CDH10: variants seen among roughly 807,000 people sequenced by gnomAD.
CDH10 encodes the protein cadherin 10, also known as cadherin-10.
In CDH10, 30 loss-of-function variants were observed where a neutral mutation model predicts 73.1. The observed-to-expected ratio is 0.41, with a 90% confidence interval of 0.31 to 0.56. CDH10 has a LOEUF of 0.56. CDH10 is among the 20% of genes least tolerant of loss of function. The pLI, the probability that CDH10 is intolerant of heterozygous loss-of-function variation, is 0.27. For missense variants in CDH10, 815 were observed against 973.7 expected (o/e 0.84, Z 2.17); for synonymous variants, 345 against 348.2 (o/e 0.99, Z 0.10).
chr5:24,641,264 C>T (rs548260294), intron 1 of CDH10, among the ~76,000 whole-genome samples: 6 of 151,838 alleles, frequency 4.0e-5, no homozygotes, highest in African/African-American at 7.2e-5. Flanking sequence ...AGGGCACAGG[C>T]GACCCAGAGC....
intron 2 of CDH10, among the ~76,000 whole-genome samples, chr5:24,575,090 C>T (rs1408577487): frequency 6.6e-6 from 1 of 151,888 alleles, no homozygotes; most frequent in Non-Finnish European, 1.5e-5. Context: ...GCACCAGTAC[C>T]ATGGCTCATG....
rs904965085 is a variant in CDH10, at chr5:24,502,173, T to C, written c.1393+2939A>G. 7.2e-5 allele frequency among the ~76,000 whole-genome samples: 11 copies of C among 152,168 alleles called. No homozygotes were observed. In the East Asian group the frequency reaches 9.7e-4, roughly 13 times the overall value. ...ACCTGACCTCGTGATCCGCCCGCCT[T>C]GGCCTCCCAAAGTGCTGGGATTACA... On this transcript the variant is annotated intron_variant, in intron 8 of 11. Coordinates refer to ENST00000264463, the MANE Select transcript of CDH10 (RefSeq NM_006727.5).
At chr5:24,526,802 T>G (rs1289645015) in intron 5 of CDH10, among the ~76,000 whole-genome samples, 1 of 151,836 alleles carries the variant, frequency 6.6e-6, no homozygotes, top group East Asian at 1.9e-4. Flanking sequence ...AAAGATCTCT[T>G]AAATAATATA....
chr5:24,612,730 GTTAT>G (rs977084658), intron 1 of CDH10: 11 of 152,102 alleles, frequency 7.2e-5, no homozygotes, highest in Admixed American at 2.0e-4. Context: ...TTTTGGAGGA[GTTAT>G]TTGTTTCATT....
At chr5:24,553,747 T>C (rs1177450347) in intron 2 of CDH10, among the ~76,000 whole-genome samples, 1 of 152,242 alleles carries the variant, frequency 6.6e-6, no homozygotes, top group Admixed American at 6.5e-5. Context: ...ACCCCTCCTA[T>C]TGAATCCCCA....
At chr5:24,515,553 T>A (rs1041257562) in intron 5 of CDH10, among the ~76,000 whole-genome samples, 12 of 152,230 alleles carry the variant, frequency 7.9e-5, no homozygotes, top group African/African-American at 2.9e-4. Context: ...GTTTAGTTTA[T>A]TACAAACACT....
chr5:24,580,418 A>C (rs1180349490), intron 2 of CDH10, among the ~76,000 whole-genome samples: 1 of 152,176 alleles, frequency 6.6e-6, no homozygotes, highest in Non-Finnish European at 1.5e-5. Flanking sequence ...AATTTGTGTG[A>C]GATGGAATTA....
At chr5:24,502,976 A>T (rs1742550894) in intron 8 of CDH10, among the ~76,000 whole-genome samples, 1 of 152,224 alleles carries the variant, frequency 6.6e-6, no homozygotes, top group Admixed American at 6.5e-5. Flanking sequence ...AATGGAGAGA[A>T]CAAGGGGCTA....
intron 1 of CDH10, chr5:24,612,132 A>C (rs1746969827): frequency 6.6e-6 from 1 of 152,020 alleles, no homozygotes; most frequent in African/African-American, 2.4e-5. Flanking sequence ...CATTAATAGG[A>C]ACCTAACACA....
Position 24,641,413 on chromosome 5 carries a change from G to A in CDH10, c.-124+3181C>T, listed in dbSNP as rs565613583. Among the ~76,000 whole-genome samples, 12 of 152,072 alleles carry A rather than the reference G, an allele frequency of 7.9e-5. No individual in the cohort carries two copies. In the South Asian group the frequency reaches 1.2e-3, roughly 16 times the overall value. On this transcript the variant is annotated intron_variant, in intron 1 of 11. Transcript: ENST00000264463. ...ATGCAGAAAATTATATGAATGCTCC[G>A]TGAATATCATCCAAAGGTTTCAACT...
rs145006410 is a variant in CDH10, at chr5:24,637,624, G to A, written c.-124+6970C>T. ...CCCCAAAATGAGTGAAATTAATTAGGAGCTAAAGAATAATTGAGCAAATTA... is the reference window on the plus strand; with the variant it reads ...CCCCAAAATGAGTGAAATTAATTAGAAGCTAAAGAATAATTGAGCAAATTA... On this transcript the variant is annotated intron_variant, in intron 1 of 11. Transcript: ENST00000264463. Among the ~76,000 whole-genome samples, 201 of 151,884 alleles carry A rather than the reference G, an allele frequency of 1.3e-3. No homozygotes were observed. The Middle Eastern group carries it at 0.017, about 13-fold the overall frequency.
At chr5:24,615,216 A>C (rs1287206484) in intron 1 of CDH10, among the ~76,000 whole-genome samples, 1 of 152,144 alleles carries the variant, frequency 6.6e-6, no homozygotes, top group Non-Finnish European at 1.5e-5. Context: ...TCTGCATCAG[A>C]ATTTTTGCAC....
At chr5:24,562,803 GA>G (rs919170795) in intron 2 of CDH10, among the ~76,000 whole-genome samples, 4 of 142,750 alleles carry the variant, frequency 2.8e-5, no homozygotes, top group African/African-American at 5.1e-5. Flanking sequence ...ATTGGAGATG[GA>G]AAAAAATACC....
chr5:24,577,086 AAAC>A (rs200917754), intron 2 of CDH10, among the ~76,000 whole-genome samples: 11 of 125,440 alleles, frequency 8.8e-5, no homozygotes, highest in East Asian at 2.4e-4. Context: ...TAAAAAAAAA[AAAC>A]CAAAAACTGT....
At chr5:24,642,327 C>T (rs1361528565) in intron 1 of CDH10, among the ~76,000 whole-genome samples, 1 of 151,920 alleles carries the variant, frequency 6.6e-6, no homozygotes, top group Non-Finnish European at 1.5e-5. Context: ...ACAGAAATCC[C>T]CCAGATAGTA....
chr5:24,517,526 G>C (rs938309589), intron 5 of CDH10, among the ~76,000 whole-genome samples: 1 of 152,072 alleles, frequency 6.6e-6, no homozygotes, highest in African/African-American at 2.4e-5. Flanking sequence ...TAGAAAATTT[G>C]ATAATCAATA....
chr5:24,495,055 A>G (rs1742219477), intron 9 of CDH10, among the ~76,000 whole-genome samples: 1 of 152,118 alleles, frequency 6.6e-6, no homozygotes, highest in South Asian at 2.1e-4. Context: ...ACCATATATT[A>G]AAAATCACAG....
chr5:24,537,321 A>G (rs1269329397), intron 3 of CDH10, 59 bp downstream of exon 3: 2 of 1,117,328 alleles, frequency 1.8e-6, no homozygotes, highest in Non-Finnish European at 2.6e-6. Context: ...TATTATAAGA[A>G]TTTCTTGATT....
At chr5:24,535,974 AGT>A in intron 3 of CDH10, 152 bp from the exon 4 acceptor site, 1 of 475,700 alleles carries the variant, frequency 2.1e-6, no homozygotes, top group Non-Finnish European at 3.7e-6. Context: ...GTAGATATAT[AGT>A]GTTATTACAG....
Sources: gnomAD v4.1 joint callset for allele counts (sites outside exome capture counted in the v4.1 genomes callset) on GRCh38, gnomAD v4.1.1 for gene constraint, MANE v1.5 for transcripts, NCBI Gene and HGNC (gene_info 2026-07-23, HGNC 2026-07-21) for gene names.